The following LRRC37A2 variants were observed in gnomAD, a reference collection of about 807,000 sequenced individuals.
LRRC37A2 encodes leucine-rich repeat-containing protein 37A2.
A neutral mutation model predicts 68.8 loss-of-function variants in LRRC37A2; 9 were observed. The ratio of observed to expected loss-of-function variants is 0.13; its 90% CI spans 0.08 to 0.23. The LOEUF (loss-of-function observed/expected upper bound fraction) is 0.23, where lower values mean the gene tolerates loss of function less well. Among genes scored for constraint, LRRC37A2 ranks in the 10% least tolerant of loss-of-function variants. The pLI is 1.00. For synonymous variants in LRRC37A2, 63 were observed against 367.6 expected, an observed-to-expected ratio of 0.17 and a Z score of 9.48; for missense variants, 168 against 950.4, an observed-to-expected ratio of 0.18 and a Z score of 10.82.
the LRRC37A2 span, among the ~76,000 whole-genome samples, chr17:46,655,893 T>A: frequency 9.9e-6 from 1 of 101,386 alleles, no homozygotes; most frequent in Non-Finnish European, 1.9e-5. Context: ...TTTTTTCATG[T>A]TATCTAGAAA....
chr17:46,979,166 C>G, the LRRC37A2 span: 1 of 772,144 alleles, frequency 1.3e-6, no homozygotes, highest in African/African-American at 1.8e-5. Flanking sequence ...GCTCTCGGGC[C>G]GCCTACCCCT....
At chr17:46,953,604 A>G in the LRRC37A2 span, among the ~76,000 whole-genome samples, 1 of 152,170 alleles carries the variant, frequency 6.6e-6, no homozygotes. Context: ...CTAGTTCTAG[A>G]TCCCTGAGGA....
At chr17:47,038,341 T>C in the LRRC37A2 span, among the ~76,000 whole-genome samples, 1 of 151,716 alleles carries the variant, frequency 6.6e-6, no homozygotes, top group Non-Finnish European at 1.5e-5. Flanking sequence ...TGTGGCCAGA[T>C]GCAGTGGTGC....
chr17:47,038,314 TA>T, the LRRC37A2 span, among the ~76,000 whole-genome samples: 1 of 151,420 alleles, frequency 6.6e-6, no homozygotes, highest in African/African-American at 2.4e-5. Context: ...AAATGAACAG[TA>T]AAAAAACAAA....
At chr17:46,901,567 G>A in the LRRC37A2 span, among the ~76,000 whole-genome samples, 16 of 152,308 alleles carry the variant, frequency 1.1e-4, no homozygotes, top group African/African-American at 3.1e-4. Context: ...CTGTTACATA[G>A]AGCAAGCAGG....
chr17:46,963,991 A>AT, the LRRC37A2 span: 9 of 152,008 alleles, frequency 5.9e-5, no homozygotes, highest in South Asian at 2.1e-4. Context: ...TAATTGACTT[A>AT]TTTTTTGTAG....
chr17:46,920,883 G>A, the LRRC37A2 span, among the ~76,000 whole-genome samples: 1 of 152,126 alleles, frequency 6.6e-6, no homozygotes, highest in East Asian at 1.9e-4. Flanking sequence ...CTGACCTTAG[G>A]AGAAATCAGA....
chr17:46,748,606 T>C, the LRRC37A2 span, among the ~76,000 whole-genome samples: 1 of 152,196 alleles, frequency 6.6e-6, no homozygotes, highest in Admixed American at 6.5e-5. Flanking sequence ...ACAGGGAATC[T>C]AACAGAAGAG....
At chr17:47,044,296 A>G in the LRRC37A2 span, among the ~76,000 whole-genome samples, 34 of 151,562 alleles carry the variant, frequency 2.2e-4, 1 homozygote, top group African/African-American at 7.7e-4. Context: ...GAAGGAGACT[A>G]AAGAATCATG....
At chr17:46,775,246 A>C in the LRRC37A2 span, among the ~76,000 whole-genome samples, 27,500 of 152,194 alleles carry the variant, frequency 0.18, 3,498 homozygotes, top group South Asian at 0.47. Flanking sequence ...TAGGAAACTG[A>C]GGTTTAGAGA....
the LRRC37A2 span, chr17:46,876,216 A>G: frequency 4.5e-6 from 7 of 1,567,594 alleles, no homozygotes; most frequent in South Asian, 7.2e-5. Context: ...CAGGCCTCTG[A>G]CCACGCCTCT....
chr17:46,890,379 G>T, the LRRC37A2 span, among the ~76,000 whole-genome samples: 760 of 152,300 alleles, frequency 5.0e-3, 6 homozygotes, highest in Middle Eastern at 0.027. Context: ...CTGCCAATTC[G>T]ATAAGAGGCT....
At chr17:46,631,082 A>ACACACACACACACG in the LRRC37A2 span, among the ~76,000 whole-genome samples, 36 of 142,130 alleles carry the variant, frequency 2.5e-4, no homozygotes, top group East Asian at 4.7e-3. Flanking sequence ...ACACACACAC[A>ACACACACACACACG]CACACACACA....
At chr17:46,972,233 C>A in the LRRC37A2 span, among the ~76,000 whole-genome samples, 95 of 152,320 alleles carry the variant, frequency 6.2e-4, 1 homozygote, top group Admixed American at 1.8e-3. Flanking sequence ...TCCCGCCACC[C>A]GCTTCTTCCT....
the LRRC37A2 span, chr17:46,851,745 C>A: frequency 8.5e-7 from 1 of 1,177,646 alleles, no homozygotes; most frequent in Non-Finnish European, 1.1e-6. This position sits in a 1 kb window ranked among gnomAD's most constrained non-coding sequence, Gnocchi z 4.3. Flanking sequence ...CCCGCCCGCT[C>A]CCCGGCCTGC....
chr17:46,801,191 T>G, the LRRC37A2 span, among the ~76,000 whole-genome samples: 1 of 152,290 alleles, frequency 6.6e-6, no homozygotes, highest in Non-Finnish European at 1.5e-5. Flanking sequence ...CCAGGACTGC[T>G]GTACCCAGGC....
At chr17:46,758,836 C>T in the LRRC37A2 span, among the ~76,000 whole-genome samples, 1 of 152,142 alleles carries the variant, frequency 6.6e-6, no homozygotes, top group African/African-American at 2.4e-5. Context: ...ACAAACACCC[C>T]AGCCCAAACA....
At chr17:46,900,188 TATATATATATATATACACACACACAC>T in the LRRC37A2 span, among the ~76,000 whole-genome samples, 1 of 115,558 alleles carries the variant, frequency 8.7e-6, no homozygotes, top group African/African-American at 4.5e-5. Context: ...TATATATATA[TATATATATATATATACACACACACAC>T]ACACACATAT....
At chr17:46,961,401 G>T in the LRRC37A2 span, among the ~76,000 whole-genome samples, 1 of 152,108 alleles carries the variant, frequency 6.6e-6, no homozygotes. Context: ...GGAACATGGT[G>T]GTGTGCATCT....
Sources: gnomAD v4.1 joint callset for allele counts (sites outside exome capture counted in the v4.1 genomes callset) on GRCh38, gnomAD v4.1.1 for gene constraint, Gnocchi (gnomAD v3.1) non-coding constraint, MANE v1.5 for transcripts, NCBI Gene and HGNC (gene_info 2026-07-23, HGNC 2026-07-21) for gene names.